QARS1: variants seen among roughly 807,000 people sequenced by gnomAD.
The protein encoded by QARS1 is glutamine--tRNA ligase.
QARS1 carries 79 observed loss-of-function variants against 106.9 expected under a neutral mutation model. That is an observed-to-expected ratio of 0.74 (90% CI 0.62 to 0.89). The LOEUF (loss-of-function observed/expected upper bound fraction) is 0.89, where lower values mean the gene tolerates loss of function less well. Ranked by LOEUF, QARS1 falls within the 40% of genes least tolerant of loss-of-function variation. The probability of loss-of-function intolerance (pLI) is 0.00; values close to 1 mark genes in which losing one functional copy is unlikely to be tolerated. For synonymous variants in QARS1, 395 were observed against 367.7 expected (o/e 1.07, Z -0.85); for missense variants, 966 against 997.2 (o/e 0.97, Z 0.42).
rs750008591 is a variant in QARS1 at position 49,098,676 on chromosome 3, A to G, written c.1880T>C (p.Phe627Ser). ...AGGCTGGCCCCAAGCCAGGCGCTTAAATCCTGGCTCTGGCTCCTAGAGATA... is the reference window on the plus strand; with the variant it reads ...AGGCTGGCCCCAAGCCAGGCGCTTAGATCCTGGCTCTGGCTCCTAGAGATA... ...TDFKEEPEPG[F>S]KRLAWGQPVG... The change falls in exon 20 of 24, where the codon TTT becomes TCT. Residue 627 changes from phenylalanine to serine, a missense_variant. Physicochemically the swap from Phe to Ser is radical, Grantham distance 155. Transcript: ENST00000306125. 6.2e-7 allele frequency: 1 copy of G among 1,602,832 alleles called. No homozygotes were observed.
At position 49,102,344 on chromosome 3, in the gene QARS1, C is replaced by CA. The variant is rs2042482385; in HGVS notation, c.570+74dup. On this transcript the variant is annotated intron_variant, in intron 6 of 23. Transcript: ENST00000306125. ...GGGTCTTGGGATCCCTGTGGTCAGA[C>CA]ACTTCCTTCCCCAGCCTGAAGTCTC... 2.5e-6 allele frequency: 4 copies of CA among 1,612,646 alleles called. No homozygotes were observed. In the South Asian group the frequency reaches 4.4e-5, roughly 18 times the overall value.
chr3:49,100,818 T>C, intron 10 of QARS1, 144 bp from the exon 11 acceptor site: 2 of 756,538 alleles, frequency 2.6e-6, no homozygotes, highest in Non-Finnish European at 4.6e-6. Flanking sequence ...TTGCACCATC[T>C]TGGCTCACTG....
rs1085307775 is a variant in QARS1, at chr3:49,100,196, G to A, written c.1158C>T (p.Leu386=). The part of the protein sequence containing the change: ...RDRPMEESLL[L]FEAMRKGKFS... ...TGCTCCTCTAGGACCCCACCTCAAA[G>A]AGCAGCAGTGACTCCTCCATGGGAC... The change falls in exon 13 of 24, where the codon CTC becomes CTT. Residue 386 remains leucine (L), a synonymous_variant. Transcript: ENST00000306125. 3.3e-5 allele frequency: 54 copies of A among 1,614,106 alleles called. No individual in the cohort carries two copies. The Admixed American group carries it at 4.3e-4, about 13-fold the overall frequency.
intron 19 of QARS1, 88 bp from the exon 20 acceptor site, chr3:49,098,780 GGTTC>G: frequency 6.7e-7 from 1 of 1,499,206 alleles, no homozygotes; most frequent in South Asian, 1.2e-5. Context: ...GGCAAAGATT[GGTTC>G]ATCTGAAGCA....
rs201359259 is a variant in QARS1 at position 49,103,917 on chromosome 3, G to T, written c.321C>A (p.Phe107Leu). 5 of 1,613,994 alleles carry T rather than the reference G, an allele frequency of 3.1e-6. No homozygotes were observed. The highest frequency in any genetic ancestry group is 1.1e-5 in the South Asian group (1 of 91,082). The change falls in exon 3 of 24, where the codon TTC becomes TTA. Residue 107 changes from phenylalanine (F) to leucine (L), a missense_variant. By Grantham distance (22) the Phe-to-Leu change is conservative. Coordinates refer to ENST00000306125, the MANE Select transcript of QARS1 (RefSeq NM_005051.3). ...TGACACCCACGCCACATTCCCGCTC[G>T]AAGTCCACAGTGTCGATGGGGTCCA... ...HPLDPIDTVD[F>L]ERECGVGVIV...
At chr3:49,100,778 C>A (rs750799650) in intron 10 of QARS1, 104 bp from the exon 11 acceptor site, 2 of 1,039,434 alleles carry the variant, frequency 1.9e-6, no homozygotes, top group Admixed American at 1.9e-5. Flanking sequence ...TCAGAATTTT[C>A]TTTTTTTTTG....
intron 10 of QARS1, among the ~76,000 whole-genome samples, chr3:49,100,902 C>T (rs2042461907): frequency 1.3e-5 from 2 of 152,146 alleles, no homozygotes; most frequent in African/African-American, 2.4e-5. Context: ...CCACCATGGC[C>T]AGCTAACTTT....
chr3:49,104,433 G>T lies in QARS1; in HGVS notation c.156C>A (p.Thr52=). 6.2e-7 allele frequency: 1 copy of T among 1,614,172 alleles called. No homozygotes were observed. The highest frequency in any genetic ancestry group is 8.5e-7 in the Non-Finnish European group (1 of 1,180,030). Residue 52 remains threonine (T), a synonymous_variant, in exon 2 of 24, where the codon ACC becomes ACA. Coordinates refer to ENST00000306125, the MANE Select transcript of QARS1 (RefSeq NM_005051.3). ...QTLGSTIDKA[T]GILLYGLASR... is the part of the protein sequence containing the mutation. ...AGGCCAAGCCATATAACAGGATCCC[G>T]GTAGCTTTGTCAATGGTGGAACCCA...
chr3:49,102,097 G>T, intron 7 of QARS1, 108 bp downstream of exon 7: 1 of 1,447,602 alleles, frequency 6.9e-7, no homozygotes, highest in South Asian at 1.2e-5. Context: ...TGAGACAGAA[G>T]TCAGGGTACT....
In QARS1 at chr3:49,098,480, C is replaced by A. The variant is rs1013287948; in HGVS notation, c.1957G>T (p.Gly653Cys). Residue 653 changes from glycine to cysteine, a missense_variant and splice_region_variant, in exon 21 of 24, where the codon GGC becomes TGC. Gly to Cys is a radical substitution (Grantham distance 159). Coordinates refer to ENST00000306125, the MANE Select transcript of QARS1 (RefSeq NM_005051.3). ...AGACTCTCTACACAACCACTGGGGC[C>A]CTGGAAGTGGGGGGAGGGGAGCAGC... ...YVIELQHVVK[G>C]PSGCVESLEV... is the part of the protein sequence containing the mutation. 1.9e-6 allele frequency: 3 copies of A among 1,614,126 alleles called. No homozygotes were observed. The highest frequency in any genetic ancestry group is 2.5e-6 in the Non-Finnish European group (3 of 1,180,022).
At chr3:49,102,097 G>GTCAGGGAGCTGAC in intron 7 of QARS1, 108 bp downstream of exon 7, 1 of 1,447,604 alleles carries the variant, frequency 6.9e-7, no homozygotes, top group South Asian at 1.2e-5. Context: ...TGAGACAGAA[G>GTCAGGGAGCTGAC]TCAGGGTACT....
At position 49,099,659 on chromosome 3, in the gene QARS1, G is replaced by C; in HGVS notation, c.1389-12C>G. The C allele has an allele frequency of 6.2e-7, 1 of 1,612,066 alleles. No individual in the cohort carries two copies. The highest frequency in any genetic ancestry group is 8.5e-7 in the Non-Finnish European group (1 of 1,179,310). ...AGTAGGAAGAGCGTCTGGGGTGGGA[G>C]AGTAGGGTTAGCACTGGCCAGCTCT... is the stretch of plus-strand genomic sequence containing the variant. On this transcript the variant is annotated splice_polypyrimidine_tract_variant and intron_variant, in intron 15 of 23. Transcript: ENST00000306125.
intron 5 of QARS1, 129 bp from the exon 6 acceptor site, chr3:49,102,601 C>A: frequency 1.1e-6 from 1 of 916,074 alleles, no homozygotes. Flanking sequence ...CTACCTAGCC[C>A]ATCCCATCTC....
At chr3:49,103,795 G>C in intron 3 of QARS1, 68 bp downstream of exon 3, 1 of 1,597,214 alleles carries the variant, frequency 6.3e-7, no homozygotes, top group East Asian at 2.2e-5. Flanking sequence ...TTCCTGAGGA[G>C]GGAAACTGAG....
rs563684910 is a variant in QARS1, at chr3:49,102,918, A to G, written c.516+427T>C. On this transcript the variant is annotated intron_variant, in intron 5 of 23. Coordinates refer to ENST00000306125, the MANE Select transcript of QARS1 (RefSeq NM_005051.3). ...TCAGCCTCCCAATAGTGTTGGGATT[A>G]CAGGTGTGAGCCACCATGCCCAGCC... Among the ~76,000 whole-genome samples the G allele has an allele frequency of 2.0e-5, 3 of 152,292 alleles. No homozygotes were observed. In the South Asian group the frequency reaches 6.2e-4, roughly 32 times the overall value.
Position 49,096,063 on chromosome 3 carries a change from GTT to G in QARS1, c.2292_2293del (p.Thr765CysfsTer16). On this transcript the variant is annotated frameshift_variant, in exon 24 of 24. Coordinates refer to ENST00000306125, the MANE Select transcript of QARS1 (RefSeq NM_005051.3). LOFTEE classifies it high-confidence loss of function. Reference sequence around the variant, plus strand: ...TCCTGGGTCTTCCTTCAGTGTGACAGTTCGGTTAAAGACAAGCTGGAGGGCAG... The same window carrying G: ...TCCTGGGTCTTCCTTCAGTGTGACAGCGGTTAAAGACAAGCTGGAGGGCAG... 6.2e-7 allele frequency: 1 copy of G among 1,613,924 alleles called. No individual in the cohort carries two copies. Among genetic ancestry groups the G allele is most frequent in the Admixed American group, 1.7e-5 (1 of 59,996 alleles).
At chr3:49,104,018 A>C in intron 2 of QARS1, 46 bp from the exon 3 acceptor site, 1 of 1,521,150 alleles carries the variant, frequency 6.6e-7, no homozygotes, top group South Asian at 1.1e-5. Context: ...TGCTCCAAGA[A>C]GTGGACAGAC....
At chr3:49,104,141 T>TC (rs756131859) in intron 2 of QARS1, 169 bp from the exon 3 acceptor site, 2 of 1,148,598 alleles carry the variant, frequency 1.7e-6, no homozygotes, top group South Asian at 1.2e-5. Flanking sequence ...CGAGAGTGGA[T>TC]CCCCCCTCAG....
In QARS1 at chr3:49,097,689, G is replaced by A. The variant is rs377271976; in HGVS notation, c.2277+303C>T. On this transcript the variant is annotated intron_variant, in intron 23 of 23. Coordinates refer to ENST00000306125, the MANE Select transcript of QARS1 (RefSeq NM_005051.3). ...CAGGCGCCTGTAATCCCAGCTACTC[G>A]GGAGGCTGAGGCAGGAGAATCACTT... 1.3e-4 allele frequency among the ~76,000 whole-genome samples: 20 copies of A among 151,974 alleles called. No homozygotes were observed. The East Asian group carries it at 2.6e-3, about 19-fold the overall frequency.
Sources: allele counts gnomAD v4.1 joint callset (sites outside exome capture counted in the v4.1 genomes callset), GRCh38; gene constraint gnomAD v4.1.1; transcripts MANE v1.5; gene names NCBI Gene and HGNC (gene_info 2026-07-23, HGNC 2026-07-21).